CTNNB1: variants seen among roughly 807,000 people sequenced by gnomAD.
CTNNB1 encodes catenin beta 1.
CTNNB1 carries 6 observed loss-of-function variants against 82.5 expected under a neutral mutation model. The ratio of observed to expected loss-of-function variants is 0.07; its 90% CI spans 0.04 to 0.14. CTNNB1 has a LOEUF of 0.14. Ranked by LOEUF, CTNNB1 falls within the 10% of genes least tolerant of loss-of-function variation. CTNNB1 has a pLI of 1.00. For missense variants in CTNNB1, 529 were observed against 980.4 expected (o/e 0.54, Z 6.15); for synonymous variants, 312 against 329.7 (o/e 0.95, Z 0.58).
intron 1 of CTNNB1, among the ~76,000 whole-genome samples, chr3:41,215,992 T>A (rs1004038579): frequency 6.6e-6 from 1 of 152,154 alleles, no homozygotes; most frequent in Non-Finnish European, 1.5e-5. Context: ...TCTGCAACAC[T>A]GACTGTTACC....
At chr3:41,220,383 C>T (rs1222996831) in intron 1 of CTNNB1, among the ~76,000 whole-genome samples, 1 of 146,856 alleles carries the variant, frequency 6.8e-6, no homozygotes, top group African/African-American at 2.5e-5. Context: ...AACACACACA[C>T]CCACACCCAC....
intron 1 of CTNNB1, among the ~76,000 whole-genome samples, chr3:41,203,358 C>T (rs1430555397): frequency 1.3e-5 from 2 of 152,072 alleles, no homozygotes; most frequent in East Asian, 1.9e-4. Context: ...AATGTCTTCT[C>T]AGCCAATATT....
chr3:41,230,006 G>A (rs997507367), intron 7 of CTNNB1, among the ~76,000 whole-genome samples: 2 of 151,988 alleles, frequency 1.3e-5, no homozygotes, highest in African/African-American at 4.8e-5. Context: ...CTTCAAATCA[G>A]TATTGAAAGA....
At chr3:41,206,986 A>G (rs1006301612) in intron 1 of CTNNB1, among the ~76,000 whole-genome samples, 58 of 152,230 alleles carry the variant, frequency 3.8e-4, no homozygotes, top group African/African-American at 1.4e-3. Flanking sequence ...TTATAAATTT[A>G]GTATATCAAT....
In CTNNB1 at chr3:41,239,581, C is replaced by A; in HGVS notation, c.*239C>A. On this transcript the variant is annotated 3_prime_UTR_variant, in exon 15 of 15. Transcript: ENST00000349496. Reference sequence around the variant, plus strand: ...TTATTAACTTTAATGTTTTTTGCCACAGCTTTTGCAACTTAATACTCAAAT... The same window carrying A: ...TTATTAACTTTAATGTTTTTTGCCAAAGCTTTTGCAACTTAATACTCAAAT... The A allele has an allele frequency of 1.8e-6, 1 of 556,030 alleles. No individual in the cohort carries two copies. The highest frequency in any genetic ancestry group is 3.2e-6 in the Non-Finnish European group (1 of 309,312). The allele number at this position is 556,030 out of a possible 1,614,324, so 34.4% of individuals were successfully genotyped here.
rs138489933 is a variant in CTNNB1 at position 41,210,985 on chromosome 3, G to T, written c.-49+11315G>T. 17 of 455,904 alleles carry T rather than the reference G, an allele frequency of 3.7e-5. No individual in the cohort carries two copies. The East Asian group carries it at 1.1e-3, about 30-fold the overall frequency. The allele number at this position is 455,904 out of a possible 1,614,324, so 28.2% of individuals were successfully genotyped here. On this transcript the variant is annotated intron_variant, in intron 1 of 14. Transcript: ENST00000349496. ...AAAAAAAATTTTTTGTAGAGACAGG[G>T]TCTCACTCTGTTGCCAGGGCTGGCC...
chr3:41,217,146 C>T (rs1277211843), intron 1 of CTNNB1, among the ~76,000 whole-genome samples: 2 of 152,136 alleles, frequency 1.3e-5, no homozygotes, highest in East Asian at 1.9e-4. Context: ...AAACCTTTAC[C>T]ACATTGAGTT....
Position 41,199,574 on chromosome 3 carries a change from GA to G in CTNNB1, c.-144del, listed in dbSNP as rs932740304. The G allele has an allele frequency of 1.3e-5, 2 of 153,294 alleles. No homozygotes were observed. Among genetic ancestry groups the G allele is most frequent in the Non-Finnish European group, 2.9e-5 (2 of 69,028 alleles). 9.5% of individuals were successfully genotyped at this position (153,294 alleles called of 1,614,324 possible). A position where few individuals can be genotyped will look rare whatever the true frequency, so the allele number is the denominator to read the frequency against. On this transcript the variant is annotated 5_prime_UTR_variant, in exon 1 of 15. Transcript: ENST00000349496. ...CGGAGAGCGAGGGGAGGCGGAGACG[GA>G]GGAAGGTCTGAGGAGCAGCTTCAGT...
At position 41,224,956 on chromosome 3, in the gene CTNNB1, A is replaced by T. The variant is rs773781329; in HGVS notation, c.244A>T (p.Ile82Phe). 1.9e-6 allele frequency: 3 copies of T among 1,613,916 alleles called. No homozygotes were observed. Among genetic ancestry groups the T allele is most frequent in the Non-Finnish European group, 2.5e-6 (3 of 1,179,980 alleles). Residue 82 changes from isoleucine (I) to phenylalanine (F), a missense_variant and splice_region_variant, in exon 4 of 15, where the codon ATT (isoleucine) becomes TTT (phenylalanine). Around this residue, in one of 4 missense-constraint regions of CTNNB1, gnomAD observed 411 missense variants for 776.4 expected, o/e 0.53. Transcript: ENST00000349496. ...QSFTQEQVAD[I>F]DGQYAMTRAQ... ...AGTGTTGAATTAACCTTTTCCAGAT[A>T]TTGATGGACAGTATGCAATGACTCG...
rs117439898 is a variant in CTNNB1, at chr3:41,205,897, C to T, written c.-49+6227C>T. Among the ~76,000 whole-genome samples the T allele has an allele frequency of 1.5e-4, 23 of 152,330 alleles. No individual in the cohort carries two copies. In the East Asian group the frequency reaches 3.1e-3, roughly 20 times the overall value. ...GGCGTCTCACCCCAAGTCTATCCCA[C>T]AATCTCCATGAGACTTCGTGGAACC... On this transcript the variant is annotated intron_variant, in intron 1 of 14. Transcript: ENST00000349496.
intron 1 of CTNNB1, among the ~76,000 whole-genome samples, chr3:41,213,710 AAAAT>A (rs2077850520): frequency 6.6e-6 from 1 of 152,238 alleles, no homozygotes; most frequent in African/African-American, 2.4e-5. Context: ...AGAAAACAAA[AAAAT>A]ATATACTACT....
chr3:41,239,042 C>T (rs1250795091), intron 14 of CTNNB1, 92 bp from the exon 15 acceptor site: 6 of 1,073,338 alleles, frequency 5.6e-6, no homozygotes, highest in South Asian at 3.8e-5. Context: ...ACTTTGGATG[C>T]CCTAACCTCA....
intron 1 of CTNNB1, among the ~76,000 whole-genome samples, chr3:41,205,418 G>A (rs1170834556): frequency 6.6e-6 from 1 of 152,172 alleles, no homozygotes; most frequent in Non-Finnish European, 1.5e-5. Context: ...ATTTTGAAAA[G>A]TGGGGTGGCC....
At chr3:41,216,923 C>T (rs2077928975) in intron 1 of CTNNB1, among the ~76,000 whole-genome samples, 1 of 152,100 alleles carries the variant, frequency 6.6e-6, no homozygotes, top group South Asian at 2.1e-4. Flanking sequence ...ACAGTAACCT[C>T]CTAAATGGTG....
chr3:41,199,528 G>GC lies in CTNNB1; in HGVS notation c.-190dup, dbSNP rs1559449577. 1.4e-4 allele frequency: 22 copies of GC among 153,170 alleles called. No homozygotes were observed. The allele number at this position is 153,170 out of a possible 1,614,324, so 9.5% of individuals were successfully genotyped here. ...TTAAGCCTCTCGGTCTGTGGCAGCAGCGTTGGCCCGGCCCCGGGAGCGGAG... is the reference window on the plus strand; with the variant it reads ...TTAAGCCTCTCGGTCTGTGGCAGCAGCCGTTGGCCCGGCCCCGGGAGCGGAG... On this transcript the variant is annotated 5_prime_UTR_variant, in exon 1 of 15. Coordinates refer to ENST00000349496, the MANE Select transcript of CTNNB1 (RefSeq NM_001904.4).
In CTNNB1 at chr3:41,233,807, C is replaced by T. The variant is rs758655129; in HGVS notation, c.1464C>T (p.His488=). Residue 488 remains histidine, a synonymous_variant, in exon 9 of 15, where the codon CAC becomes CAT. Coordinates refer to ENST00000349496, the MANE Select transcript of CTNNB1 (RefSeq NM_001904.4). ...AEMAQNAVRL[H]YGLPVVVKLL... ...TGGCCCAGAATGCAGTTCGCCTTCA[C>T]TATGGACTACCAGTTGTGGTTAAGC... is the stretch of plus-strand genomic sequence containing the variant. 10 of 1,613,166 alleles carry T rather than the reference C, an allele frequency of 6.2e-6. No homozygotes were observed. The highest frequency in any genetic ancestry group is 8.5e-7 in the Non-Finnish European group (1 of 1,179,368).
At chr3:41,234,716 A>G (rs1430269137) in intron 10 of CTNNB1, 1 of 201,842 alleles carries the variant, frequency 5.0e-6, no homozygotes, top group Non-Finnish European at 1.0e-5. Flanking sequence ...TGTGAGTTAA[A>G]CTTTTTTCAT....
In CTNNB1 at chr3:41,239,538, T is replaced by C. The variant is rs1323352907; in HGVS notation, c.*196T>C. ...AATGTTCTCAGATTTCTGGTTGTTA[T>C]GTGATCATGTGTGGAAGTTATTAAC... On this transcript the variant is annotated 3_prime_UTR_variant, in exon 15 of 15. Coordinates refer to ENST00000349496, the MANE Select transcript of CTNNB1 (RefSeq NM_001904.4). 8.2e-6 allele frequency: 5 copies of C among 608,792 alleles called. No homozygotes were observed. The highest frequency in any genetic ancestry group is 2.8e-5 in the East Asian group (1 of 35,968). The allele number at this position is 608,792 out of a possible 1,614,324, so 37.7% of individuals were successfully genotyped here.
rs368889473 is a variant in CTNNB1 at position 41,202,816 on chromosome 3, CAG to C, written c.-49+3147_-49+3148del. 5.5e-4 allele frequency among the ~76,000 whole-genome samples: 83 copies of C among 152,192 alleles called. 1 individual carries two copies. In the East Asian group the frequency reaches 0.013, roughly 24 times the overall value. ...CCTATAGTTTTTCATCACTTAAACT[CAG>C]GGGAAAGTTCTTTATTTCCTCTGTT... On this transcript the variant is annotated intron_variant, in intron 1 of 14. Coordinates refer to ENST00000349496, the MANE Select transcript of CTNNB1 (RefSeq NM_001904.4).
Sources: allele counts gnomAD v4.1 joint callset (sites outside exome capture counted in the v4.1 genomes callset), GRCh38; gene constraint gnomAD v4.1.1; regional missense constraint gnomAD v4.1.1; transcripts MANE v1.5; gene names NCBI Gene and HGNC (gene_info 2026-07-23, HGNC 2026-07-21).